The following FIRRM variants were observed in gnomAD, a reference collection of about 807,000 sequenced individuals.
FIRRM encodes the protein FIGNL1-interacting regulator of recombination and mitosis.
At chr1:169,829,450 G>A in the FIRRM span, 4 of 1,608,292 alleles carry the variant, frequency 2.5e-6, no homozygotes, top group Non-Finnish European at 3.4e-6. Flanking sequence ...TGCTGAACTG[G>A]TAAGCATATT....
At chr1:169,795,136 G>A in the FIRRM span, 2 of 1,536,094 alleles carry the variant, frequency 1.3e-6, no homozygotes, top group South Asian at 1.2e-5. Context: ...AGCTAGCGCG[G>A]TTCCCCTGGA....
At chr1:169,797,567 T>C in the FIRRM span, among the ~76,000 whole-genome samples, 1 of 152,184 alleles carries the variant, frequency 6.6e-6, no homozygotes, top group African/African-American at 2.4e-5. Context: ...TTTGTTTGTT[T>C]GTTTTGAGAC....
chr1:169,793,776 T>A, the FIRRM span: 1 of 1,298,912 alleles, frequency 7.7e-7, no homozygotes, highest in Non-Finnish European at 1.0e-6. Context: ...CAAATCTGCC[T>A]CAATTATTCA....
the FIRRM span, chr1:169,851,670 AC>A: frequency 1.2e-6 from 1 of 865,052 alleles, no homozygotes; most frequent in Non-Finnish European, 1.8e-6. Flanking sequence ...TCCAGATTAT[AC>A]TAAGAGTATT....
chr1:169,822,206 G>A, the FIRRM span, among the ~76,000 whole-genome samples: 3 of 152,126 alleles, frequency 2.0e-5, no homozygotes, highest in African/African-American at 7.2e-5. Context: ...AAGCTGCAGG[G>A]AACCCAGTGT....
chr1:169,816,599 A>G, the FIRRM span, among the ~76,000 whole-genome samples: 5 of 152,324 alleles, frequency 3.3e-5, no homozygotes, highest in East Asian at 1.9e-4. Flanking sequence ...ACTCTGTTTC[A>G]TAAGGAAACT....
chr1:169,820,557 G>T, the FIRRM span, among the ~76,000 whole-genome samples: 1 of 152,170 alleles, frequency 6.6e-6, no homozygotes, highest in African/African-American at 2.4e-5. Flanking sequence ...TCTTAAGAAG[G>T]AGTCTAATTT....
the FIRRM span, among the ~76,000 whole-genome samples, chr1:169,844,045 C>T: frequency 6.6e-6 from 1 of 152,202 alleles, no homozygotes; most frequent in Non-Finnish European, 1.5e-5. Flanking sequence ...CTGCAAACCC[C>T]TGAGGTTAGG....
the FIRRM span, chr1:169,850,353 C>G: frequency 6.4e-7 from 1 of 1,561,214 alleles, no homozygotes; most frequent in Non-Finnish European, 8.8e-7. Context: ...AAGGTACTTT[C>G]TTTACATGGC....
the FIRRM span, chr1:169,842,430 C>T: frequency 1.2e-6 from 2 of 1,613,640 alleles, no homozygotes; most frequent in East Asian, 4.5e-5. Context: ...ACAGTACTGT[C>T]TGCTTTGCTT....
At chr1:169,830,923 T>C in the FIRRM span, among the ~76,000 whole-genome samples, 1 of 152,222 alleles carries the variant, frequency 6.6e-6, no homozygotes, top group East Asian at 1.9e-4. Context: ...TAAAAAACCG[T>C]TAGTGTGAAA....
At chr1:169,811,821 C>CTATCTAAATAGATAATAGAT in the FIRRM span, among the ~76,000 whole-genome samples, 10 of 145,336 alleles carry the variant, frequency 6.9e-5, no homozygotes, top group African/African-American at 2.5e-4. Flanking sequence ...GACAGATTAT[C>CTATCTAAATAGATAATAGAT]TATCTAAATA....
At chr1:169,821,471 T>G in the FIRRM span, among the ~76,000 whole-genome samples, 1 of 152,176 alleles carries the variant, frequency 6.6e-6, no homozygotes, top group Non-Finnish European at 1.5e-5. Flanking sequence ...ATGTAGAATT[T>G]AATTTAATAC....
the FIRRM span, among the ~76,000 whole-genome samples, chr1:169,847,306 A>G: frequency 3.5e-5 from 4 of 113,690 alleles, no homozygotes; most frequent in East Asian, 2.6e-4. Context: ...CACACACCTT[A>G]TATTTCTAAA....
the FIRRM span, among the ~76,000 whole-genome samples, chr1:169,787,279 C>A: frequency 6.6e-6 from 1 of 152,184 alleles, no homozygotes; most frequent in Admixed American, 6.5e-5. Flanking sequence ...TTGACAGATT[C>A]TTTCCTTGGC....
chr1:169,830,609 C>G, the FIRRM span: 1 of 1,286,242 alleles, frequency 7.8e-7, no homozygotes, highest in East Asian at 2.3e-5. Flanking sequence ...ATGTCCTCAT[C>G]AGAATATTTA....
the FIRRM span, among the ~76,000 whole-genome samples, chr1:169,836,088 T>C: frequency 6.6e-6 from 1 of 151,940 alleles, no homozygotes; most frequent in East Asian, 1.9e-4. Flanking sequence ...TTTTTAGTTT[T>C]TGGTATGGGA....
the FIRRM span, among the ~76,000 whole-genome samples, chr1:169,838,026 C>G: frequency 2.0e-5 from 3 of 152,148 alleles, no homozygotes; most frequent in South Asian, 6.2e-4. Flanking sequence ...CAACCTCCAC[C>G]TCACGGATTC....
the FIRRM span, among the ~76,000 whole-genome samples, chr1:169,812,589 G>C: frequency 1.3e-5 from 2 of 152,240 alleles, no homozygotes; most frequent in Admixed American, 1.3e-4. Context: ...TGAGTGTGGT[G>C]ACCCATGGCT....
Sources: allele counts gnomAD v4.1 joint callset (sites outside exome capture counted in the v4.1 genomes callset), GRCh38; gene constraint gnomAD v4.1.1; transcripts MANE v1.5; gene names NCBI Gene and HGNC (gene_info 2026-07-23, HGNC 2026-07-21).